KCNH7: variants seen among roughly 807,000 people sequenced by gnomAD.
KCNH7 encodes potassium voltage-gated channel subfamily H member 7.
In KCNH7, 49 loss-of-function variants were observed where a neutral mutation model predicts 120.8. The observed-to-expected ratio is 0.41, with a 90% CI of 0.32 to 0.51. The LOEUF (loss-of-function observed/expected upper bound fraction) is 0.51. KCNH7 is among the 20% of genes least tolerant of loss of function. The pLI, the probability that KCNH7 is intolerant of heterozygous loss-of-function variation, is 0.38. For synonymous variants in KCNH7, 547 were observed against 516.1 expected, an observed-to-expected ratio of 1.06 and a Z score of -0.81; for missense variants, 1,097 against 1,446.6, an observed-to-expected ratio of 0.76 and a Z score of 3.92.
At chr2:162,394,283 G>A (rs1686835828) in intron 12 of KCNH7, 106 bp downstream of exon 12, 4 of 727,188 alleles carry the variant, frequency 5.5e-6, no homozygotes, top group Non-Finnish European at 9.8e-6. Flanking sequence ...CCCTCCTAAA[G>A]CCTGAGTAAA....
At chr2:162,632,050 A>T (rs1683786271) in intron 2 of KCNH7, among the ~76,000 whole-genome samples, 1 of 152,044 alleles carries the variant, frequency 6.6e-6, no homozygotes, top group Non-Finnish European at 1.5e-5. Context: ...AGATAAAAAA[A>T]TGAATGTATA....
intron 2 of KCNH7, among the ~76,000 whole-genome samples, chr2:162,712,554 AACAG>A (rs1352459869): frequency 2.6e-5 from 4 of 152,214 alleles, no homozygotes; most frequent in African/African-American, 9.6e-5. Flanking sequence ...GAGAGTTTGA[AACAG>A]ACAGCTCTCA....
intron 2 of KCNH7, among the ~76,000 whole-genome samples, chr2:162,726,839 C>T (rs10153611): frequency 0.13 from 19,549 of 152,024 alleles, 1,426 homozygotes; most frequent in East Asian, 0.34. Flanking sequence ...CTTTCTGATA[C>T]GACATTCTGG....
intron 2 of KCNH7, among the ~76,000 whole-genome samples, chr2:162,739,520 T>C (rs764000319): frequency 6.6e-6 from 1 of 152,150 alleles, no homozygotes; most frequent in Non-Finnish European, 1.5e-5. Context: ...GTGGGAACCA[T>C]GCTGAGCTGT....
Position 162,712,979 on chromosome 2 carries a change from G to A in KCNH7, c.307+123558C>T, listed in dbSNP as rs115768781. 5.7e-3 allele frequency among the ~76,000 whole-genome samples: 870 copies of A among 152,326 alleles called. 4 individuals carry two copies. Among genetic ancestry groups the A allele is most frequent in the Non-Finnish European group, 9.1e-3 (617 of 68,028 alleles). On this transcript the variant is annotated intron_variant, in intron 2 of 15. Coordinates refer to ENST00000332142, the MANE Select transcript of KCNH7 (RefSeq NM_033272.4). The stretch of plus-strand genomic sequence containing the variant: ...TTTTTAGTCATGTAGAGGGAAAGAT[G>A]TGTACAGAGTTCAAATAACTGATTC...
chr2:162,656,300 T>C (rs1403148902), intron 2 of KCNH7, among the ~76,000 whole-genome samples: 1 of 152,194 alleles, frequency 6.6e-6, no homozygotes, highest in Non-Finnish European at 1.5e-5. Context: ...ATAAAAAGAC[T>C]ATATAGATCA....
intron 9 of KCNH7, among the ~76,000 whole-genome samples, chr2:162,409,394 A>T (rs1687321559): frequency 6.6e-6 from 1 of 151,990 alleles, no homozygotes; most frequent in South Asian, 2.1e-4. Flanking sequence ...ACAAATAATT[A>T]CCGAGTAGGA....
At chr2:162,509,681 C>T (rs1690999219) in intron 5 of KCNH7, among the ~76,000 whole-genome samples, 1 of 151,528 alleles carries the variant, frequency 6.6e-6, no homozygotes, top group Admixed American at 6.6e-5. Flanking sequence ...AATCAATTTG[C>T]AAATCCTTAT....
chr2:162,534,820 T>C (rs1165002663), intron 3 of KCNH7, among the ~76,000 whole-genome samples: 1 of 151,654 alleles, frequency 6.6e-6, no homozygotes, highest in Non-Finnish European at 1.5e-5. Context: ...AAATTATAGA[T>C]CAATCTCCCT....
At chr2:162,678,159 T>C (rs1453630907) in intron 2 of KCNH7, among the ~76,000 whole-genome samples, 4 of 151,422 alleles carry the variant, frequency 2.6e-5, no homozygotes, top group Non-Finnish European at 5.9e-5. Context: ...TATTGACAGA[T>C]GCCTATTTCT....
At chr2:162,705,094 A>C (rs1031801943) in intron 2 of KCNH7, among the ~76,000 whole-genome samples, 1 of 152,156 alleles carries the variant, frequency 6.6e-6, no homozygotes, top group Non-Finnish European at 1.5e-5. Flanking sequence ...TTGTCATACT[A>C]TAAAAGAAAA....
chr2:162,675,122 C>A (rs1685488882), intron 2 of KCNH7, among the ~76,000 whole-genome samples: 1 of 151,302 alleles, frequency 6.6e-6, no homozygotes, highest in African/African-American at 2.4e-5. Flanking sequence ...TTTTATAGAA[C>A]AAGATATATT....
chr2:162,735,295 C>T (rs952804144), intron 2 of KCNH7, among the ~76,000 whole-genome samples: 2 of 152,156 alleles, frequency 1.3e-5, no homozygotes, highest in African/African-American at 4.8e-5. Flanking sequence ...GGAAATTGAA[C>T]CCTCTCCTTG....
chr2:162,709,252 T>A (rs2105355142), intron 2 of KCNH7, among the ~76,000 whole-genome samples: 1 of 152,206 alleles, frequency 6.6e-6, no homozygotes, highest in African/African-American at 2.4e-5. Context: ...GACAAAGTAT[T>A]TAAAACTGTT....
intron 2 of KCNH7, among the ~76,000 whole-genome samples, chr2:162,611,195 C>G (rs1012737600): frequency 2.0e-5 from 3 of 152,136 alleles, no homozygotes. Flanking sequence ...GTGTGGACCA[C>G]CAGGCAGAGG....
rs1688203701 is a variant in KCNH7 at position 162,435,496 on chromosome 2, T to C, written c.1656A>G (p.Leu552=). Reference sequence around the variant, plus strand: ...GGGCAAAGATGCACATTAAGAGCATTAGAACAGCAGCGCCATATTCTGAAT... The same window carrying C: ...GGGCAAAGATGCACATTAAGAGCATCAGAACAGCAGCGCCATATTCTGAAT... ...DRYSEYGAAV[L]MLLMCIFALI... Residue 552 remains leucine, a synonymous_variant, in exon 8 of 16, where the codon CTA becomes CTG. Coordinates refer to ENST00000332142, the MANE Select transcript of KCNH7 (RefSeq NM_033272.4). The C allele has an allele frequency of 6.2e-7, 1 of 1,613,716 alleles. No homozygotes were observed. The highest frequency in any genetic ancestry group is 1.1e-5 in the South Asian group (1 of 91,070).
intron 6 of KCNH7, among the ~76,000 whole-genome samples, chr2:162,454,948 G>C (rs1309232505): frequency 6.6e-6 from 1 of 151,952 alleles, no homozygotes; most frequent in Non-Finnish European, 1.5e-5. Flanking sequence ...TTGCCTGATT[G>C]CCCTGGCCAG....
At chr2:162,682,480 T>G (rs1010842701) in intron 2 of KCNH7, among the ~76,000 whole-genome samples, 3 of 151,394 alleles carry the variant, frequency 2.0e-5, no homozygotes, top group Non-Finnish European at 4.4e-5. Flanking sequence ...AAAATAGTAC[T>G]CATATCTAAC....
rs561295475 is a variant in KCNH7 at position 162,395,133 on chromosome 2, T to A, written c.2614-648A>T. Among the ~76,000 whole-genome samples, 47 of 151,960 alleles carry A rather than the reference T, an allele frequency of 3.1e-4. 2 individuals are homozygous for A. In the South Asian group the frequency reaches 7.9e-3, roughly 25 times the overall value. On this transcript the variant is annotated intron_variant, in intron 11 of 15. Coordinates refer to ENST00000332142, the MANE Select transcript of KCNH7 (RefSeq NM_033272.4). ...ATGTGTTCATTGACTGATTACATTATTGGTAAGGCTTCTAATAAATAGTAG... is the reference window on the plus strand; with the variant it reads ...ATGTGTTCATTGACTGATTACATTAATGGTAAGGCTTCTAATAAATAGTAG...
Sources: gnomAD v4.1 joint callset for allele counts (sites outside exome capture counted in the v4.1 genomes callset) on GRCh38, gnomAD v4.1.1 for gene constraint, MANE v1.5 for transcripts, NCBI Gene and HGNC (gene_info 2026-07-23, HGNC 2026-07-21) for gene names.